The following UAP1 variants were observed in gnomAD, a reference collection of about 807,000 sequenced individuals.
The protein encoded by UAP1 is UDP-N-acetylhexosamine pyrophosphorylase.
UAP1 carries 25 observed loss-of-function variants against 58.5 expected under a neutral mutation model. That is an observed-to-expected ratio of 0.43 (90% confidence interval 0.31 to 0.60). UAP1 has a LOEUF of 0.60. UAP1 is among the 20% of genes least tolerant of loss of function. The pLI is 0.11. For missense variants in UAP1, 575 were observed against 630.0 expected (o/e 0.91, Z 0.93); for synonymous variants, 208 against 213.0 (o/e 0.98, Z 0.21).
chr1:162,586,491 A>T (rs757368509), intron 5 of UAP1, among the ~76,000 whole-genome samples: 2 of 127,394 alleles, frequency 1.6e-5, no homozygotes, highest in Non-Finnish European at 3.5e-5. Context: ...CGCCTGGCTA[A>T]TTTTTTTATT....
exon 10 of UAP1, chr1:162,597,830 T>C (rs746378990): frequency 6.2e-7 from 1 of 1,613,452 alleles, no homozygotes. Context: ...CAATGTGAAA[T>C]CTCTCCTCTT....
rs553399844 is a variant in UAP1 at position 162,564,813 on chromosome 1, CCTT to C, written c.-57-1195_-57-1193del. ...TTTTATATCATTTGTCATACGTTAA[CCTT>C]CTTACTGCTTTCCATCCCACACGTG... is the stretch of plus-strand genomic sequence containing the variant. On this transcript the variant is annotated intron_variant, in intron 1 of 10. Transcript: ENST00000271469. Among the ~76,000 whole-genome samples the C allele has an allele frequency of 2.0e-4, 31 of 152,278 alleles. No homozygotes were observed. The South Asian group carries it at 6.0e-3, about 30-fold the overall frequency.
rs1557976397 is a variant in UAP1, at chr1:162,587,708, G to T, written c.1028+40G>T. The T allele has an allele frequency of 3.2e-6, 5 of 1,578,126 alleles. No homozygotes were observed. The South Asian group carries it at 5.8e-5, about 18-fold the overall frequency. On this transcript the variant is annotated intron_variant, in intron 6 of 10. Transcript: ENST00000271469. Reference sequence around the variant, plus strand: ...GGGGCCTTTTAAAATTATATTTATTGTTAATCAGAAACTAAGACACTTGAG... The same window carrying T: ...GGGGCCTTTTAAAATTATATTTATTTTTAATCAGAAACTAAGACACTTGAG...
chr1:162,568,422 A>G (rs1653658533), intron 2 of UAP1, among the ~76,000 whole-genome samples: 1 of 152,200 alleles, frequency 6.6e-6, no homozygotes, highest in African/African-American at 2.4e-5. Flanking sequence ...TACTATGAGT[A>G]GTTCTGCCTT....
At chr1:162,567,892 C>G (rs1653615808) in intron 2 of UAP1, among the ~76,000 whole-genome samples, 1 of 152,066 alleles carries the variant, frequency 6.6e-6, no homozygotes, top group Admixed American at 6.5e-5. Context: ...GCCTCTTAGG[C>G]TTAAGCAATA....
intron 5 of UAP1, among the ~76,000 whole-genome samples, chr1:162,583,806 C>T (rs1571077916): frequency 6.6e-6 from 1 of 151,902 alleles, no homozygotes; most frequent in East Asian, 2.0e-4. Context: ...TTTTCTGGGT[C>T]TTTTTGTATT....
chr1:162,591,357 A>G (rs1212296909), intron 8 of UAP1, among the ~76,000 whole-genome samples: 1 of 152,218 alleles, frequency 6.6e-6, no homozygotes, highest in Non-Finnish European at 1.5e-5. Context: ...GGTGTCTAGA[A>G]GAGAAGTAAA....
At chr1:162,583,800 C>T (rs529439892) in intron 5 of UAP1, among the ~76,000 whole-genome samples, 1 of 152,046 alleles carries the variant, frequency 6.6e-6, no homozygotes, top group Admixed American at 6.6e-5. Flanking sequence ...GTTAATTTTT[C>T]TGGGTCTTTT....
At chr1:162,594,190 G>A (rs1655488996) in intron 9 of UAP1, among the ~76,000 whole-genome samples, 1 of 152,152 alleles carries the variant, frequency 6.6e-6, no homozygotes, top group Admixed American at 6.5e-5. Context: ...TAGAATCAGT[G>A]GGAGCCCTGA....
At chr1:162,567,951 A>G (rs1007075701) in intron 2 of UAP1, among the ~76,000 whole-genome samples, 8 of 152,088 alleles carry the variant, frequency 5.3e-5, no homozygotes, top group African/African-American at 1.9e-4. Context: ...TCGTACCACC[A>G]TGCCCGGCTA....
intron 2 of UAP1, among the ~76,000 whole-genome samples, chr1:162,573,300 C>G (rs1210074188): frequency 6.6e-6 from 1 of 151,856 alleles, no homozygotes; most frequent in Non-Finnish European, 1.5e-5. Flanking sequence ...CCTCTGGTGG[C>G]AGGGTGGTGT....
At chr1:162,590,031 G>T (rs78389460) in intron 7 of UAP1, among the ~76,000 whole-genome samples, 4 of 144,866 alleles carry the variant, frequency 2.8e-5, no homozygotes, top group Non-Finnish European at 3.0e-5. Flanking sequence ...TTTTTTGCCT[G>T]TTTTTTTTTT....
intron 2 of UAP1, among the ~76,000 whole-genome samples, chr1:162,567,882 G>A (rs981397478): frequency 1.3e-5 from 2 of 151,936 alleles, no homozygotes; most frequent in African/African-American, 2.4e-5. Context: ...CTGCAACTTC[G>A]CCTCTTAGGC....
chr1:162,570,124 GGT>G (rs1653764363), intron 2 of UAP1, among the ~76,000 whole-genome samples: 1 of 151,218 alleles, frequency 6.6e-6, no homozygotes, highest in Non-Finnish European at 1.5e-5. Context: ...ACTCCAGCCT[GGT>G]TGACAGAGCG....
Position 162,586,482 on chromosome 1 carries a change from G to A in UAP1, c.835-993G>A, listed in dbSNP as rs79987846. On this transcript the variant is annotated intron_variant, in intron 5 of 10. Coordinates refer to ENST00000271469, the Ensembl canonical transcript of UAP1. ...AGCTGAGACTCCAGCATGCCACCAC[G>A]CCTGGCTAATTTTTTTATTTTTTAA... Among the ~76,000 whole-genome samples, 8 of 150,594 alleles carry A rather than the reference G, an allele frequency of 5.3e-5. No individual in the cohort carries two copies. The East Asian group carries it at 1.0e-3, about 19-fold the overall frequency.
Position 162,587,456 on chromosome 1 carries a change from G to A in UAP1, c.835-19G>A, listed in dbSNP as rs2101811461. 1 of 1,579,942 alleles carries A rather than the reference G, an allele frequency of 6.3e-7. No homozygotes were observed. Among genetic ancestry groups the A allele is most frequent in the Non-Finnish European group, 8.6e-7 (1 of 1,159,696 alleles). ...ATTTAATTCAATTTCCTCCTCTACT[G>A]TTTTTCTCTGGTGGACAGGTGGTAG... On this transcript the variant is annotated intron_variant, in intron 5 of 10. Coordinates refer to ENST00000271469, the Ensembl canonical transcript of UAP1.
chr1:162,601,238 G>A (rs757041765), downstream of UAP1, among the ~76,000 whole-genome samples: 2 of 152,212 alleles, frequency 1.3e-5, no homozygotes, highest in Non-Finnish European at 2.9e-5. Flanking sequence ...GGCAGTAACA[G>A]TATAGAATTT....
At chr1:162,588,413 A>G (rs1655050257) in intron 6 of UAP1, among the ~76,000 whole-genome samples, 1 of 152,164 alleles carries the variant, frequency 6.6e-6, no homozygotes, top group South Asian at 2.1e-4. Context: ...GCGTTTTTTA[A>G]TGTACATATA....
In UAP1 at chr1:162,592,713, C is replaced by T; in HGVS notation, c.1359-19C>T. The T allele has an allele frequency of 6.5e-7, 1 of 1,536,590 alleles. No homozygotes were observed. Among genetic ancestry groups the T allele is most frequent in the Non-Finnish European group, 8.8e-7 (1 of 1,134,302 alleles). On this transcript the variant is annotated intron_variant, in intron 8 of 10. Coordinates refer to ENST00000271469, the Ensembl canonical transcript of UAP1. ...TGATTTGCTTCCATTCCCATTAATC[C>T]TTATTTATTCCCACATAGCAGTGCT... is the stretch of plus-strand genomic sequence containing the variant.
Sources: gnomAD v4.1 joint callset for allele counts (sites outside exome capture counted in the v4.1 genomes callset) on GRCh38, gnomAD v4.1.1 for gene constraint, MANE v1.5 for transcripts, NCBI Gene and HGNC (gene_info 2026-07-23, HGNC 2026-07-21) for gene names.